Variants in RBFOX1 observed in about 807,000 individuals in gnomAD.
RBFOX1 encodes RNA binding fox-1 homolog 1.
A neutral mutation model predicts 57.7 loss-of-function variants in RBFOX1; 8 were observed. The observed-to-expected ratio is 0.14, with a 90% CI of 0.08 to 0.25. RBFOX1 has a LOEUF of 0.25. Among genes scored for constraint, RBFOX1 ranks in the 10% least tolerant of loss-of-function variants. RBFOX1 has a pLI of 1.00. For synonymous variants in RBFOX1, 326 were observed against 222.4 expected (o/e 1.47, Z -4.15); for missense variants, 611 against 548.5 (o/e 1.11, Z -1.14).
At chr16:6,705,316 G>A (rs1350899253) in intron 3 of RBFOX1, 1 of 127,918 alleles carries the variant, frequency 7.8e-6, no homozygotes, top group Non-Finnish European at 1.6e-5. Context: ...TACAAGGGAA[G>A]AAGTCTAGAG....
At chr16:5,561,446 C>G (rs1340459049) in intron 2 of RBFOX1, among the ~76,000 whole-genome samples, 1 of 151,992 alleles carries the variant, frequency 6.6e-6, no homozygotes, top group Non-Finnish European at 1.5e-5. Flanking sequence ...CACAGACATT[C>G]TCTTTCTTTC....
At position 5,856,151 on chromosome 16, in the gene RBFOX1, TTCTCTCTCTCTCTC is replaced by T. The variant is rs35841072; in HGVS notation, c.319-11128_319-11115del. ...AATTTTTTTCCAGGAGTCTTTATGG[TTCTCTCTCTCTCTC>T]TCTCTCTCTCTCTCTCTCTCTCTAT... On this transcript the variant is annotated intron_variant, in intron 3 of 19. Transcript: ENST00000641259. Among the ~76,000 whole-genome samples, 32 of 40,426 alleles carry T rather than the reference TTCTCTCTCTCTCTC, an allele frequency of 7.9e-4. 1 individual carries two copies. The highest frequency in any genetic ancestry group is 2.3e-3 in the African/African-American group (19 of 8,420). 26.5% of individuals were successfully genotyped at this position (40,426 alleles called of 152,430 possible).
intron 1 of RBFOX1, among the ~76,000 whole-genome samples, chr16:5,377,354 A>G (rs2066011860): frequency 6.6e-6 from 1 of 151,322 alleles, no homozygotes; most frequent in Admixed American, 6.6e-5. Context: ...CCCCCTTGAG[A>G]TGGGGTCACG....
intron 3 of RBFOX1, among the ~76,000 whole-genome samples, chr16:6,768,029 G>A (rs189431226): frequency 3.6e-4 from 55 of 151,596 alleles, no homozygotes; most frequent in African/African-American, 1.3e-3. Context: ...TACAGAAGTG[G>A]AAAATCACAT....
intron 3 of RBFOX1, among the ~76,000 whole-genome samples, chr16:5,732,461 A>T (rs1176826514): frequency 6.6e-6 from 1 of 152,182 alleles, no homozygotes; most frequent in African/African-American, 2.4e-5. Flanking sequence ...GCAGAACAGG[A>T]GCGAGTTGGC....
intron 4 of RBFOX1, among the ~76,000 whole-genome samples, chr16:7,481,666 A>T (rs899224808): frequency 3.3e-5 from 5 of 152,188 alleles, no homozygotes; most frequent in Non-Finnish European, 7.3e-5. Context: ...TACCAACCTT[A>T]TAAGAATGCT....
chr16:6,444,635 T>A (rs1421005923), intron 2 of RBFOX1, among the ~76,000 whole-genome samples: 1 of 151,478 alleles, frequency 6.6e-6, no homozygotes, highest in Non-Finnish European at 1.5e-5. Flanking sequence ...CATTAAACCT[T>A]TTTTTTTTCC....
intron 2 of RBFOX1, among the ~76,000 whole-genome samples, chr16:6,613,179 A>G (rs1467836678): frequency 1.3e-5 from 2 of 152,092 alleles, no homozygotes; most frequent in African/African-American, 2.4e-5. Context: ...GGTCCCTCAC[A>G]AGGCAGCCAT....
chr16:7,673,361 T>G (rs1350968499), intron 13 of RBFOX1, among the ~76,000 whole-genome samples: 1 of 152,196 alleles, frequency 6.6e-6, no homozygotes, highest in Non-Finnish European at 1.5e-5. Flanking sequence ...AGTTTGGTTG[T>G]GGAAATTTTC....
At chr16:5,505,212 C>T (rs1391308024) in intron 2 of RBFOX1, among the ~76,000 whole-genome samples, 1 of 152,206 alleles carries the variant, frequency 6.6e-6, no homozygotes, top group African/African-American at 2.4e-5. Flanking sequence ...TTCTTGCCCC[C>T]TTCTCCTCTA....
chr16:6,747,958 T>C (rs1169040904), intron 3 of RBFOX1, among the ~76,000 whole-genome samples: 1 of 152,210 alleles, frequency 6.6e-6, no homozygotes, highest in Admixed American at 6.5e-5. Flanking sequence ...GCCTTTGTTT[T>C]CTAAATCCTT....
intron 2 of RBFOX1, among the ~76,000 whole-genome samples, chr16:6,351,323 C>CGTGT (rs71406370): frequency 0.011 from 1,254 of 112,866 alleles, 9 homozygotes; most frequent in Non-Finnish European, 0.015. Flanking sequence ...ATATATATAA[C>CGTGT]GTGTGTGTGT....
chr16:6,934,713 A>G (rs1318592133), intron 3 of RBFOX1, among the ~76,000 whole-genome samples: 2 of 152,092 alleles, frequency 1.3e-5, no homozygotes, highest in African/African-American at 4.8e-5. Context: ...TTTTTTCTTT[A>G]AAGGAAAAAG....
At chr16:6,729,021 G>A (rs992647049) in intron 3 of RBFOX1, among the ~76,000 whole-genome samples, 1 of 152,048 alleles carries the variant, frequency 6.6e-6, no homozygotes, top group African/African-American at 2.4e-5. Context: ...CAAATCATAC[G>A]GGGATAACTT....
chr16:7,247,003 T>C (rs1261045307), intron 4 of RBFOX1, among the ~76,000 whole-genome samples: 1 of 152,130 alleles, frequency 6.6e-6, no homozygotes, highest in Non-Finnish European at 1.5e-5. Context: ...TCCCCAGCAA[T>C]CACAAATCTA....
chr16:7,318,768 C>T (rs1480122253), intron 4 of RBFOX1, among the ~76,000 whole-genome samples: 2 of 152,142 alleles, frequency 1.3e-5, no homozygotes, highest in African/African-American at 4.8e-5. Context: ...TTTGCCTTCT[C>T]TCAACCGCCA....
intron 2 of RBFOX1, among the ~76,000 whole-genome samples, chr16:6,623,685 A>T (rs2098266815): frequency 6.6e-6 from 1 of 151,910 alleles, no homozygotes; most frequent in Non-Finnish European, 1.5e-5. Context: ...ATGAGTGAGA[A>T]CATGCGGTGT....
chr16:7,455,820 A>T (rs1190684494), intron 4 of RBFOX1, among the ~76,000 whole-genome samples: 1 of 151,966 alleles, frequency 6.6e-6, no homozygotes, highest in Non-Finnish European at 1.5e-5. Context: ...AGAAAAAAAA[A>T]ACTGATTCAC....
At chr16:6,204,911 TAA>T (rs1436366288) in intron 1 of RBFOX1, among the ~76,000 whole-genome samples, 22 of 152,200 alleles carry the variant, frequency 1.4e-4, no homozygotes, top group African/African-American at 5.3e-4. Flanking sequence ...AACACACGAT[TAA>T]GTTTTGACCC....
Sources: allele counts gnomAD v4.1 joint callset (sites outside exome capture counted in the v4.1 genomes callset), GRCh38; gene constraint gnomAD v4.1.1; transcripts MANE v1.5; gene names NCBI Gene and HGNC (gene_info 2026-07-23, HGNC 2026-07-21).